Variants in CLEC4D observed in about 807,000 individuals in gnomAD.
The protein encoded by CLEC4D is C-type lectin domain family 4 member D, also known as C-type (calcium dependent, carbohydrate-recognition domain) lectin, superfamily member 8.
In CLEC4D, 21 loss-of-function variants were observed where a neutral mutation model predicts 21.1. That is an observed-to-expected ratio of 1.00 (90% CI 0.71 to 1.43). CLEC4D has a LOEUF of 1.43. Ranked by LOEUF, CLEC4D falls within the 40% of genes most tolerant of loss-of-function variation. The pLI, the probability that CLEC4D is intolerant of heterozygous loss-of-function variation, is 0.00. For missense variants in CLEC4D, 289 were observed against 260.7 expected (o/e 1.11, Z -0.75); for synonymous variants, 85 against 83.1 (o/e 1.02, Z -0.12).
At chr12:8,516,616 C>T (rs2136384905) in intron 2 of CLEC4D, among the ~76,000 whole-genome samples, 1 of 152,312 alleles carries the variant, frequency 6.6e-6, no homozygotes, top group Non-Finnish European at 1.5e-5. Flanking sequence ...ATTGATGATG[C>T]CATGGAGCAA....
the CLEC4D span, among the ~76,000 whole-genome samples, chr12:8,528,608 T>G: frequency 6.6e-6 from 1 of 152,180 alleles, no homozygotes; most frequent in African/African-American, 2.4e-5. Flanking sequence ...TTTTAGTACA[T>G]TATGGTAGTC....
At chr12:8,523,868 G>T (rs987278103), downstream of CLEC4D, among the ~76,000 whole-genome samples, 1 of 152,064 alleles carries the variant, frequency 6.6e-6, no homozygotes, top group Non-Finnish European at 1.5e-5. Flanking sequence ...TTTGAGATAC[G>T]TTCCATCAAT....
In CLEC4D at chr12:8,521,322, G is replaced by C; in HGVS notation, c.*51G>C. 1 of 1,569,708 alleles carries C rather than the reference G, an allele frequency of 6.4e-7. No individual in the cohort carries two copies. The highest frequency in any genetic ancestry group is 1.2e-5 in the South Asian group (1 of 84,626). On this transcript the variant is annotated 3_prime_UTR_variant, in exon 6 of 6. Transcript: ENST00000299665. ...GGAAAGAGAAAAGAAAAACCAATTAGAATAAGGCAGAATGTACGTGCGTCA... is the reference window on the plus strand; with the variant it reads ...GGAAAGAGAAAAGAAAAACCAATTACAATAAGGCAGAATGTACGTGCGTCA...
intron 5 of CLEC4D, among the ~76,000 whole-genome samples, chr12:8,520,663 T>C (rs761199467): frequency 1.3e-5 from 2 of 152,224 alleles, no homozygotes; most frequent in Non-Finnish European, 2.9e-5. Flanking sequence ...AATCTTGTCA[T>C]TTTCTTTCTT....
downstream of CLEC4D, chr12:8,522,504 C>G (rs924083195): frequency 6.6e-6 from 1 of 152,242 alleles, no homozygotes; most frequent in African/African-American, 2.4e-5. Context: ...GTTTGAAATA[C>G]TGGTGTTTGA....
At chr12:8,520,395 AGC>A (rs1940444008) in intron 5 of CLEC4D, 54 bp downstream of exon 5, 1 of 1,577,688 alleles carries the variant, frequency 6.3e-7, no homozygotes, top group African/African-American at 1.4e-5. Context: ...AGAAGATGGT[AGC>A]AAGAAACATT....
the CLEC4D span, among the ~76,000 whole-genome samples, chr12:8,531,596 T>C: frequency 6.6e-6 from 1 of 152,196 alleles, no homozygotes; most frequent in Non-Finnish European, 1.5e-5. Flanking sequence ...TTGATTAATA[T>C]AGAGCATACA....
chr12:8,515,212 T>A lies in CLEC4D; in HGVS notation c.29-24T>A, dbSNP rs746414772. On this transcript the variant is annotated intron_variant, in intron 1 of 5. Transcript: ENST00000299665. ...TAGCTTGTAGCTGAGAGGAGGTTAA[T>A]CTCTATTTTTCTTTTGGTCCTAGTG... 3.9e-6 allele frequency: 4 copies of A among 1,032,020 alleles called. No individual in the cohort carries two copies. The East Asian group carries it at 9.5e-5, about 24-fold the overall frequency. 63.9% of individuals were successfully genotyped at this position (1,032,020 alleles called of 1,614,324 possible).
At position 8,518,357 on chromosome 12, in the gene CLEC4D, C is replaced by T; in HGVS notation, c.232+83C>T. 4.4e-6 allele frequency: 3 copies of T among 684,708 alleles called. No individual in the cohort carries two copies. In the South Asian group the frequency reaches 5.2e-5, roughly 12 times the overall value. The allele number at this position is 684,708 out of a possible 1,614,324, so 42.4% of individuals were successfully genotyped here. A position where few individuals can be genotyped will look rare whatever the true frequency, so the allele number is the denominator to read the frequency against. ...TGACTGAAGGAATGTCAGTAGTGAA[C>T]CAGGAAAGATTAAAATAGCATAAGA... is the stretch of plus-strand genomic sequence containing the variant. On this transcript the variant is annotated intron_variant, in intron 3 of 5. Transcript: ENST00000299665.
Position 8,518,247 on chromosome 12 carries a change from G to T in CLEC4D, c.205G>T (p.Glu69Ter). 1 of 1,314,624 alleles carries T rather than the reference G, an allele frequency of 7.6e-7. No individual in the cohort carries two copies. The highest frequency in any genetic ancestry group is 1.2e-5 in the South Asian group (1 of 84,400). The allele number at this position is 1,314,624 out of a possible 1,614,324, so 81.4% of individuals were successfully genotyped here. Residue 69 changes from glutamate (E) to a stop codon, truncating the protein, a stop_gained, in exon 3 of 6, where the codon GAG (glutamate) becomes TAG (stop). Transcript: ENST00000299665. LOFTEE classifies it high-confidence loss of function. ...EHHAKLKCIK[E>*]KSELKSAEGS... is the part of the protein sequence containing the mutation. ...CCATGCAAAGCTCAAATGCATCAAA[G>T]AGAAATCAGAACTGAAAAGTGCTGA... is the stretch of plus-strand genomic sequence containing the variant.
chr12:8,530,619 T>C, the CLEC4D span, among the ~76,000 whole-genome samples: 1 of 152,190 alleles, frequency 6.6e-6, no homozygotes, highest in African/African-American at 2.4e-5. Flanking sequence ...AAAACTAGTG[T>C]GTATTTTACA....
At chr12:8,520,945 C>T (rs939299863) in intron 5 of CLEC4D, among the ~76,000 whole-genome samples, 179 bp from the exon 6 acceptor site, 3 of 152,168 alleles carry the variant, frequency 2.0e-5, no homozygotes, top group Non-Finnish European at 4.4e-5. Flanking sequence ...AGAGAAGCCA[C>T]ATTTCAAGTG....
chr12:8,518,490 AT>A (rs1370887308), intron 3 of CLEC4D, among the ~76,000 whole-genome samples: 1 of 152,230 alleles, frequency 6.6e-6, no homozygotes, highest in Non-Finnish European at 1.5e-5. Context: ...TGGATGGGTT[AT>A]TTTTGACATC....
chr12:8,522,458 AG>A (rs1940470464), downstream of CLEC4D: 1 of 152,336 alleles, frequency 6.6e-6, no homozygotes, highest in African/African-American at 2.4e-5. Context: ...TTTTAAAAGC[AG>A]TATTTATTTT....
Position 8,521,494 on chromosome 12 carries a change from G to A in CLEC4D, c.*223G>A, listed in dbSNP as rs2136389134. 6 of 911,998 alleles carry A rather than the reference G, an allele frequency of 6.6e-6. No individual in the cohort carries two copies. The highest frequency in any genetic ancestry group is 7.0e-5 in the East Asian group (2 of 28,628). 56.5% of individuals were successfully genotyped at this position (911,998 alleles called of 1,614,324 possible). On this transcript the variant is annotated 3_prime_UTR_variant, in exon 6 of 6. Transcript: ENST00000299665. ...GGTTTTTGTATGGTGTTTGATGGAA[G>A]GAATAATCTTTCTTTGCTTTCTTAG... is the stretch of plus-strand genomic sequence containing the variant.
chr12:8,527,772 G>A, the CLEC4D span, among the ~76,000 whole-genome samples: 1 of 152,250 alleles, frequency 6.6e-6, no homozygotes, highest in Non-Finnish European at 1.5e-5. Context: ...TTCCAGCTGA[G>A]AGCCGGTGAG....
At chr12:8,527,485 C>T in the CLEC4D span, among the ~76,000 whole-genome samples, 7 of 152,228 alleles carry the variant, frequency 4.6e-5, no homozygotes, top group Non-Finnish European at 1.0e-4. Flanking sequence ...CAGACTGCCA[C>T]AGCCAGTGTG....
downstream of CLEC4D, among the ~76,000 whole-genome samples, chr12:8,524,465 T>C (rs971737852): frequency 4.6e-5 from 7 of 152,206 alleles, no homozygotes; most frequent in South Asian, 2.1e-4. Flanking sequence ...CCATTTCTTG[T>C]AGATTTTCTA....
intron 4 of CLEC4D, 127 bp downstream of exon 4, chr12:8,519,287 T>C (rs1008104880): frequency 9.2e-5 from 126 of 1,370,886 alleles, no homozygotes; most frequent in South Asian, 8.3e-4. Context: ...AAGCCCTTTC[T>C]TCCTCTTCAA....
Sources: gnomAD v4.1 joint callset for allele counts (sites outside exome capture counted in the v4.1 genomes callset) on GRCh38, gnomAD v4.1.1 for gene constraint, MANE v1.5 for transcripts, NCBI Gene and HGNC (gene_info 2026-07-23, HGNC 2026-07-21) for gene names.